NBEA: variants seen among roughly 807,000 people sequenced by gnomAD.
NBEA encodes neurobeachin.
Under a neutral mutation model 343.4 loss-of-function variants are expected in NBEA, and 44 were observed. That is an observed-to-expected ratio of 0.13 (90% CI 0.10 to 0.16). The LOEUF (loss-of-function observed/expected upper bound fraction) is 0.16, where lower values mean the gene tolerates loss of function less well. Among genes scored for constraint, NBEA ranks in the 10% least tolerant of loss-of-function variants. The probability of loss-of-function intolerance (pLI) is 1.00; values close to 1 mark genes in which losing one functional copy is unlikely to be tolerated. For synonymous variants in NBEA, 1,175 were observed against 1,238.7 expected (o/e 0.95, Z 1.08); for missense variants, 2,555 against 3,631.3 (o/e 0.70, Z 7.62).
At chr13:35,194,010 A>G (rs969866748) in intron 30 of NBEA, among the ~76,000 whole-genome samples, 1 of 151,916 alleles carries the variant, frequency 6.6e-6, no homozygotes, top group Non-Finnish European at 1.5e-5. Flanking sequence ...TTTGACTCAA[A>G]AGAAAAGGGG....
intron 21 of NBEA, among the ~76,000 whole-genome samples, chr13:35,158,303 A>G (rs1049751357): frequency 6.6e-5 from 10 of 152,158 alleles, no homozygotes; most frequent in Admixed American, 6.6e-5. Context: ...TGTAAGAGAA[A>G]GTCTGTGAAC....
chr13:35,076,051 C>T (rs551733409), intron 10 of NBEA, among the ~76,000 whole-genome samples: 2 of 151,566 alleles, frequency 1.3e-5, no homozygotes, highest in African/African-American at 4.8e-5. Flanking sequence ...AAAATTAGTA[C>T]CTGTTTATAA....
chr13:35,606,146 C>T (rs188622609), intron 47 of NBEA, among the ~76,000 whole-genome samples: 2 of 152,114 alleles, frequency 1.3e-5, no homozygotes, highest in African/African-American at 2.4e-5. Flanking sequence ...TTTGTATACT[C>T]ATTTCTCTTC....
chr13:34,968,304 C>T (rs373716100), intron 1 of NBEA, among the ~76,000 whole-genome samples: 17 of 152,050 alleles, frequency 1.1e-4, no homozygotes, highest in African/African-American at 1.4e-4. Flanking sequence ...TTATGGGCCA[C>T]GTAATTGAAC....
intron 33 of NBEA, among the ~76,000 whole-genome samples, chr13:35,212,630 CTA>C (rs2073846394): frequency 6.6e-6 from 1 of 152,018 alleles, no homozygotes; most frequent in Admixed American, 6.6e-5. Context: ...AGTGGTTGTA[CTA>C]GTTTACTAAC....
At position 35,476,414 on chromosome 13, in the gene NBEA, C is replaced by A. The variant is rs141473681; in HGVS notation, c.6585+3878C>A. The A allele has an allele frequency of 1.4e-5, 14 of 991,240 alleles. No homozygotes were observed. In the East Asian group the frequency reaches 1.6e-4, roughly 11 times the overall value. 61.4% of individuals were successfully genotyped at this position (991,240 alleles called of 1,614,324 possible). A position where few individuals can be genotyped will look rare whatever the true frequency, so the allele number is the denominator to read the frequency against. On this transcript the variant is annotated intron_variant, in intron 41 of 58. Coordinates refer to ENST00000379939, the MANE Select transcript of NBEA (RefSeq NM_001385012.1). ...CTTAAAGTGAAAGACTGTCCTCCCC[C>A]CTCTGCTTGTCTCTCTTCCTCTTTT...
chr13:35,244,371 A>T (rs1439176075), intron 34 of NBEA, among the ~76,000 whole-genome samples: 1 of 151,954 alleles, frequency 6.6e-6, no homozygotes, highest in Non-Finnish European at 1.5e-5. Context: ...TTGAAAGAGT[A>T]TCCTTTCCCC....
intron 13 of NBEA, among the ~76,000 whole-genome samples, chr13:35,113,926 G>T (rs2066363541): frequency 6.6e-6 from 1 of 152,148 alleles, no homozygotes; most frequent in African/African-American, 2.4e-5. Context: ...CGATGCTCAA[G>T]ATTTGGCCAG....
At chr13:35,112,002 T>C (rs1308552464) in intron 13 of NBEA, among the ~76,000 whole-genome samples, 5 of 148,348 alleles carry the variant, frequency 3.4e-5, no homozygotes, top group Non-Finnish European at 5.9e-5. Flanking sequence ...CTGCAAGCTC[T>C]GCCTCCCGGG....
At chr13:35,480,839 A>G (rs2076095666) in intron 41 of NBEA, among the ~76,000 whole-genome samples, 1 of 151,956 alleles carries the variant, frequency 6.6e-6, no homozygotes, top group African/African-American at 2.4e-5. Context: ...TGGTAACCTA[A>G]TTTGATGGCA....
At chr13:35,410,317 T>A (rs2043507419) in intron 38 of NBEA, among the ~76,000 whole-genome samples, 1 of 152,102 alleles carries the variant, frequency 6.6e-6, no homozygotes, top group Non-Finnish European at 1.5e-5. Context: ...TGTCAGAATA[T>A]GAGAGTATAC....
At chr13:35,230,957 A>G (rs2152769385) in intron 33 of NBEA, among the ~76,000 whole-genome samples, 1 of 152,106 alleles carries the variant, frequency 6.6e-6, no homozygotes, top group African/African-American at 2.4e-5. Flanking sequence ...ATCCACATTA[A>G]AGCTTGAGAA....
intron 34 of NBEA, chr13:35,251,959 G>A (rs775190772): frequency 3.9e-5 from 6 of 153,326 alleles, no homozygotes; most frequent in African/African-American, 1.2e-4. Context: ...TCAAGTGAAG[G>A]AAATAAAAGT....
chr13:35,117,195 A>G lies in NBEA; in HGVS notation c.2003-219A>G, dbSNP rs369069570. On this transcript the variant is annotated intron_variant, in intron 13 of 58. Transcript: ENST00000379939. ...AACTTTTTAAAAAGTTCTTTTTTCCACAAAATCAGACATTCAGTAAATAAT... is the reference window on the plus strand; with the variant it reads ...AACTTTTTAAAAAGTTCTTTTTTCCGCAAAATCAGACATTCAGTAAATAAT... Among the ~76,000 whole-genome samples, 4 of 151,966 alleles carry G rather than the reference A, an allele frequency of 2.6e-5. No individual in the cohort carries two copies. In the East Asian group the frequency reaches 5.8e-4, roughly 22 times the overall value.
chr13:35,046,736 C>G (rs1364758753), intron 4 of NBEA, among the ~76,000 whole-genome samples: 1 of 152,036 alleles, frequency 6.6e-6, no homozygotes, highest in South Asian at 2.1e-4. Context: ...TTCTTTGTCT[C>G]TCTCTCAAAA....
chr13:34,994,136 T>C (rs2060855245), intron 1 of NBEA, among the ~76,000 whole-genome samples: 1 of 135,468 alleles, frequency 7.4e-6, no homozygotes, highest in Non-Finnish European at 1.5e-5. Context: ...TGGCAGAGGT[T>C]GCAGTGAGCC....
intron 46 of NBEA, among the ~76,000 whole-genome samples, chr13:35,586,968 TA>T (rs1484456078): frequency 6.6e-6 from 1 of 151,584 alleles, no homozygotes; most frequent in Non-Finnish European, 1.5e-5. Flanking sequence ...ATAATAGATA[TA>T]AAATATGCTC....
At chr13:35,478,645 C>T (rs1467692357) in intron 41 of NBEA, among the ~76,000 whole-genome samples, 1 of 152,262 alleles carries the variant, frequency 6.6e-6, no homozygotes, top group Non-Finnish European at 1.5e-5. Context: ...TTACTCTCCA[C>T]GTCTGCTCCA....
chr13:35,538,049 A>C (rs2078643319), intron 41 of NBEA, among the ~76,000 whole-genome samples: 1 of 152,196 alleles, frequency 6.6e-6, no homozygotes, highest in Non-Finnish European at 1.5e-5. Flanking sequence ...CAAATTCATG[A>C]TAGCATGGCT....
Sources: allele counts gnomAD v4.1 joint callset (sites outside exome capture counted in the v4.1 genomes callset), GRCh38; gene constraint gnomAD v4.1.1; transcripts MANE v1.5; gene names NCBI Gene and HGNC (gene_info 2026-07-23, HGNC 2026-07-21).